KIF16B: variants seen among roughly 807,000 people sequenced by gnomAD.
KIF16B encodes kinesin-like protein KIF16B.
In KIF16B, 98 loss-of-function variants were observed where a neutral mutation model predicts 156.3. The ratio of observed to expected loss-of-function variants is 0.63; its 90% confidence interval spans 0.53 to 0.74. KIF16B has a LOEUF of 0.74. Among genes scored for constraint, KIF16B ranks in the 30% least tolerant of loss-of-function variants. KIF16B has a pLI of 0.00. For synonymous variants in KIF16B, 564 were observed against 583.7 expected, an observed-to-expected ratio of 0.97 and a Z score of 0.49; for missense variants, 1,421 against 1,606.5, an observed-to-expected ratio of 0.88 and a Z score of 1.97.
chr20:16,331,058 C>G (rs1029769056), intron 24 of KIF16B, among the ~76,000 whole-genome samples: 1 of 152,196 alleles, frequency 6.6e-6, no homozygotes, highest in Non-Finnish European at 1.5e-5. Flanking sequence ...TGTCCTGTGT[C>G]CTTCCCAGGG....
At chr20:16,525,103 C>G (rs6044071) in intron 3 of KIF16B, among the ~76,000 whole-genome samples, 1 of 151,536 alleles carries the variant, frequency 6.6e-6, no homozygotes, top group Non-Finnish European at 1.5e-5. Flanking sequence ...TGCAGCAAAC[C>G]GCCATGGCAC....
At chr20:16,442,079 T>C (rs1308976532) in intron 12 of KIF16B, among the ~76,000 whole-genome samples, 1 of 152,048 alleles carries the variant, frequency 6.6e-6, no homozygotes, top group Admixed American at 6.6e-5. Flanking sequence ...CTCAGACAAA[T>C]TGACATGTGG....
intron 25 of KIF16B, among the ~76,000 whole-genome samples, chr20:16,273,623 C>A (rs2063015450): frequency 6.6e-6 from 1 of 151,900 alleles, no homozygotes; most frequent in African/African-American, 2.4e-5. Flanking sequence ...GTGATGGTGC[C>A]ACTGCACTCC....
chr20:16,398,299 AAAT>A (rs1158319739), intron 17 of KIF16B, among the ~76,000 whole-genome samples: 3 of 152,196 alleles, frequency 2.0e-5, no homozygotes, highest in Admixed American at 6.5e-5. Context: ...GAGTGACTGA[AAAT>A]AACATTGGAG....
At chr20:16,461,894 G>A (rs969134199) in intron 12 of KIF16B, among the ~76,000 whole-genome samples, 8 of 152,162 alleles carry the variant, frequency 5.3e-5, no homozygotes, top group Admixed American at 1.3e-4. Context: ...TCTTCAAAGC[G>A]GTAGTTTTCT....
intron 12 of KIF16B, among the ~76,000 whole-genome samples, chr20:16,462,275 T>G (rs2067367462): frequency 6.6e-6 from 1 of 152,086 alleles, no homozygotes. Context: ...AACTTCCATA[T>G]GTACACTTTT....
chr20:16,381,492 T>C (rs1299619184), intron 18 of KIF16B, among the ~76,000 whole-genome samples: 2 of 138,632 alleles, frequency 1.4e-5, no homozygotes, highest in Non-Finnish European at 3.1e-5. Flanking sequence ...GATGAACGTT[T>C]AAAAAAATTT....
intron 12 of KIF16B, among the ~76,000 whole-genome samples, chr20:16,453,833 A>C (rs1404165996): frequency 2.0e-5 from 3 of 152,230 alleles, no homozygotes; most frequent in African/African-American, 7.2e-5. Context: ...GTGGAAAAGC[A>C]AAATGGTACA....
intron 24 of KIF16B, among the ~76,000 whole-genome samples, chr20:16,316,486 T>C (rs954962281): frequency 6.6e-6 from 1 of 152,136 alleles, no homozygotes; most frequent in Non-Finnish European, 1.5e-5. Flanking sequence ...TAAGTCCATC[T>C]TCCAAAAAGA....
At chr20:16,354,903 G>A (rs757401893) in intron 23 of KIF16B, among the ~76,000 whole-genome samples, 17 of 151,898 alleles carry the variant, frequency 1.1e-4, no homozygotes, top group Non-Finnish European at 2.4e-4. Context: ...CTGAGATCGC[G>A]CCACTGCACT....
chr20:16,310,790 T>C (rs2063608553), intron 25 of KIF16B, among the ~76,000 whole-genome samples: 1 of 152,236 alleles, frequency 6.6e-6, no homozygotes, highest in South Asian at 2.1e-4. Context: ...GATCATGCCA[T>C]TCTAGGTTGA....
intron 2 of KIF16B, among the ~76,000 whole-genome samples, chr20:16,526,454 C>A (rs1215756953): frequency 2.0e-5 from 3 of 152,224 alleles, no homozygotes; most frequent in Non-Finnish European, 4.4e-5. Context: ...AACACTCCAG[C>A]CAGACTCTGT....
chr20:16,380,042 G>A lies in KIF16B; in HGVS notation c.1960C>T (p.Gln654Ter). Residue 654 changes from glutamine to a stop codon, truncating the protein, a stop_gained, in exon 19 of 26, where the codon CAG becomes TAG. Transcript: ENST00000354981. LOFTEE classifies it high-confidence loss of function. ...CTGCGGCGTTTGAGGCTCTCCTCCT[G>A]CTTGCGAATCTGGAGCTGCACGATT... is the stretch of plus-strand genomic sequence containing the variant. ...TEIVQLQIRK[Q>*]EESLKRRSFH... 6.3e-7 allele frequency: 1 copy of A among 1,579,616 alleles called. No individual in the cohort carries two copies. Among genetic ancestry groups the A allele is most frequent in the East Asian group, 2.2e-5 (1 of 44,664 alleles).
At chr20:16,396,398 A>C (rs1390411049) in intron 17 of KIF16B, among the ~76,000 whole-genome samples, 1 of 152,230 alleles carries the variant, frequency 6.6e-6, no homozygotes, top group African/African-American at 2.4e-5. Flanking sequence ...ATGGAATATC[A>C]TATGGACATT....
intron 12 of KIF16B, among the ~76,000 whole-genome samples, chr20:16,459,770 C>T (rs187344077): frequency 6.6e-6 from 1 of 152,294 alleles, no homozygotes; most frequent in African/African-American, 2.4e-5. Flanking sequence ...AAACTTAAAT[C>T]GAATCTTAAA....
chr20:16,341,582 T>C (rs1333312684), intron 23 of KIF16B, among the ~76,000 whole-genome samples: 2 of 152,240 alleles, frequency 1.3e-5, no homozygotes, highest in African/African-American at 2.4e-5. Context: ...TAAACTCACA[T>C]ACAGACCTCA....
At chr20:16,364,210 T>G (rs1020767225) in intron 22 of KIF16B, among the ~76,000 whole-genome samples, 1 of 152,188 alleles carries the variant, frequency 6.6e-6, no homozygotes, top group African/African-American at 2.4e-5. Context: ...CAACAAAGAC[T>G]AAATAAATTC....
At chr20:16,465,069 T>C (rs531065350) in intron 12 of KIF16B, among the ~76,000 whole-genome samples, 2 of 152,266 alleles carry the variant, frequency 1.3e-5, no homozygotes, top group South Asian at 2.1e-4. Context: ...TCTATTTAAA[T>C]ATAAATACCA....
intron 3 of KIF16B, among the ~76,000 whole-genome samples, chr20:16,519,047 C>T (rs2069239975): frequency 6.6e-6 from 1 of 152,182 alleles, no homozygotes; most frequent in Non-Finnish European, 1.5e-5. Flanking sequence ...CAAACCTGAG[C>T]AAGTTCCTTA....
Sources: gnomAD v4.1 joint callset for allele counts (sites outside exome capture counted in the v4.1 genomes callset) on GRCh38, gnomAD v4.1.1 for gene constraint, MANE v1.5 for transcripts, NCBI Gene and HGNC (gene_info 2026-07-23, HGNC 2026-07-21) for gene names.